Variants in SDK2 observed in about 807,000 individuals in gnomAD.
SDK2 encodes the protein sidekick cell adhesion molecule 2, also known as protein sidekick-2.
SDK2 carries 105 observed loss-of-function variants against 253.9 expected under a neutral mutation model. The observed-to-expected ratio is 0.41, with a 90% CI of 0.35 to 0.49. The LOEUF is 0.49. Among genes scored for constraint, SDK2 ranks in the 20% least tolerant of loss-of-function variants. SDK2 has a pLI of 0.06. For missense variants in SDK2, 2,608 were observed against 3,003.0 expected, an observed-to-expected ratio of 0.87 and a Z score of 3.07; for synonymous variants, 1,249 against 1,234.9, an observed-to-expected ratio of 1.01 and a Z score of -0.24.
At chr17:73,622,358 C>G (rs1425651924) in intron 1 of SDK2, among the ~76,000 whole-genome samples, 12 of 152,236 alleles carry the variant, frequency 7.9e-5, no homozygotes, top group Non-Finnish European at 2.9e-5. Context: ...TCAGCTGATT[C>G]CCCAAGCCCG....
intron 12 of SDK2, among the ~76,000 whole-genome samples, chr17:73,424,724 C>T (rs2063265505): frequency 1.3e-5 from 2 of 152,200 alleles, no homozygotes; most frequent in African/African-American, 2.4e-5. Flanking sequence ...CAGGATGCCA[C>T]ACAATGAACC....
chr17:73,437,329 G>T (rs1473905682), intron 8 of SDK2, among the ~76,000 whole-genome samples: 2 of 152,162 alleles, frequency 1.3e-5, no homozygotes, highest in Non-Finnish European at 2.9e-5. Context: ...AGCGGAGGGA[G>T]CTGGCAGAGG....
At chr17:73,542,526 G>A (rs1043107642) in intron 1 of SDK2, among the ~76,000 whole-genome samples, 1 of 152,214 alleles carries the variant, frequency 6.6e-6, no homozygotes, top group East Asian at 1.9e-4. Context: ...ATGAGCAGCC[G>A]GGCCTGGTAA....
chr17:73,604,483 G>A lies in SDK2; in HGVS notation c.64+39542C>T, dbSNP rs548546306. ...ATGACACTTTACATCCCCAAAGGCC[G>A]GTGGGCAGCTGGCTTAAAGGAACAA... is the stretch of plus-strand genomic sequence containing the variant. On this transcript the variant is annotated intron_variant, in intron 1 of 44. Transcript: ENST00000392650. Among the ~76,000 whole-genome samples, 8 of 152,286 alleles carry A rather than the reference G, an allele frequency of 5.3e-5. No homozygotes were observed. The East Asian group carries it at 1.2e-3, about 22-fold the overall frequency.
intron 2 of SDK2, among the ~76,000 whole-genome samples, chr17:73,483,661 G>GTGTGTGTGTGTGTGTGTGTA (rs1388091890): frequency 8.5e-5 from 6 of 70,176 alleles, no homozygotes; most frequent in Admixed American, 2.1e-4. Flanking sequence ...GTGTGTGTGT[G>GTGTGTGTGTGTGTGTGTGTA]TATATATATA....
At chr17:73,342,717 G>T (rs976372641) in intron 44 of SDK2, among the ~76,000 whole-genome samples, 3 of 151,404 alleles carry the variant, frequency 2.0e-5, no homozygotes, top group South Asian at 4.1e-4. Context: ...CGAGTCTCTG[G>T]GGGGAGGAGC....
At chr17:73,353,978 C>T (rs8072130) in intron 40 of SDK2, among the ~76,000 whole-genome samples, 10,468 of 152,008 alleles carry the variant, frequency 0.069, 1,107 homozygotes, top group African/African-American at 0.22. Flanking sequence ...GAGGATTACA[C>T]GTGTGAGCCA....
rs183083087 is a variant in SDK2, at chr17:73,350,750, C to T, written c.5799G>A (p.Leu1933=). 1 of 1,613,506 alleles carries T rather than the reference C, an allele frequency of 6.2e-7. No individual in the cohort carries two copies. The highest frequency in any genetic ancestry group is 1.3e-5 in the African/African-American group (1 of 74,968). ...ANPFYEEWWF[L]VVIALVGLIF... is the part of the protein sequence containing the mutation. ...TGAGGCCGACCAGGGCAATGACCAC[C>T]AAGAACCACCACTCCTCATAGAAGG... Residue 1933 remains leucine, a synonymous_variant, in exon 42 of 45, where the codon TTG becomes TTA. Transcript: ENST00000392650.
Position 73,398,314 on chromosome 17 carries a change from C to T in SDK2, c.3203+6G>A, listed in dbSNP as rs776105621. ...TGCTGCCTTCTCCCCGGGCCAGTCT[C>T]ATTACCTGTAGCAGGTGAAGGGGTT... On this transcript the variant is annotated splice_donor_region_variant and intron_variant, in intron 23 of 44. Transcript: ENST00000392650. 1 of 1,613,654 alleles carries T rather than the reference C, an allele frequency of 6.2e-7. No homozygotes were observed. Among genetic ancestry groups the T allele is most frequent in the Non-Finnish European group, 8.5e-7 (1 of 1,179,622 alleles).
chr17:73,527,278 T>C lies in SDK2; in HGVS notation c.65-19681A>G, dbSNP rs2145796271. On this transcript the variant is annotated intron_variant, in intron 1 of 44. Transcript: ENST00000392650. ...GTCTTGGAGCTCATGGAGCTTAGCATCTACCAAGAAATGCAACGTGAAGCA... is the reference window on the plus strand; with the variant it reads ...GTCTTGGAGCTCATGGAGCTTAGCACCTACCAAGAAATGCAACGTGAAGCA... Among the ~76,000 whole-genome samples, 2 of 152,180 alleles carry C rather than the reference T, an allele frequency of 1.3e-5. 1 individual carries two copies. The highest frequency in any genetic ancestry group is 6.8e-3 in the Middle Eastern group (2 of 292).
chr17:73,523,453 G>C (rs953777613), intron 1 of SDK2, among the ~76,000 whole-genome samples: 7 of 151,888 alleles, frequency 4.6e-5, no homozygotes, highest in African/African-American at 1.7e-4. Flanking sequence ...ATCAAGTTAA[G>C]ATGAGGTCAT....
chr17:73,486,505 G>A (rs2063770164), intron 2 of SDK2, among the ~76,000 whole-genome samples: 1 of 151,844 alleles, frequency 6.6e-6, no homozygotes, highest in Non-Finnish European at 1.5e-5. Context: ...AGCTACTTGG[G>A]AGGCTGAGGA....
At chr17:73,611,146 C>T (rs1330213378) in intron 1 of SDK2, among the ~76,000 whole-genome samples, 1 of 152,218 alleles carries the variant, frequency 6.6e-6, no homozygotes, top group Non-Finnish European at 1.5e-5. Context: ...CAGGCTCACA[C>T]AGCTCTGAGG....
chr17:73,556,613 C>T (rs941662717), intron 1 of SDK2, among the ~76,000 whole-genome samples: 9 of 152,206 alleles, frequency 5.9e-5, no homozygotes, highest in Non-Finnish European at 1.3e-4. Context: ...AATTCTTATG[C>T]GGCTGTTGGC....
At chr17:73,514,557 T>A (rs1024819572) in intron 1 of SDK2, among the ~76,000 whole-genome samples, 1 of 152,074 alleles carries the variant, frequency 6.6e-6, no homozygotes, top group Non-Finnish European at 1.5e-5. Flanking sequence ...TGGGAATGGG[T>A]CGGTGGGTGG....
In SDK2 at chr17:73,386,220, GACA is replaced by G. The variant is rs2062870730; in HGVS notation, c.4498+222_4498+224del. 2.0e-5 allele frequency among the ~76,000 whole-genome samples: 3 copies of G among 152,212 alleles called. No homozygotes were observed. In the South Asian group the frequency reaches 6.2e-4, roughly 32 times the overall value. ...TGTCCCGCTCACTGGCAGCTTGTGG[GACA>G]GGAGGAATACGCCACAGGCCAGGCT... is the stretch of plus-strand genomic sequence containing the variant. On this transcript the variant is annotated intron_variant, in intron 31 of 44. Coordinates refer to ENST00000392650, the MANE Select transcript of SDK2 (RefSeq NM_001144952.2).
rs1457168436 is a variant in SDK2 at position 73,447,705 on chromosome 17, C to A, written c.523G>T (p.Ala175Ser). Reference protein sequence around the residue: ...ENTLVILSTVAPDAGRYYVQA... With the variant: ...ENTLVILSTVSPDAGRYYVQA... ...ACATAGTAGCGACCTGCGTCAGGGG[C>A]CACCGTTGACAGGATGACAAGGGTG... Residue 175 changes from alanine to serine, a missense_variant, in exon 5 of 45, where the codon GCC (alanine) becomes TCC (serine). Ala to Ser is a moderately conservative substitution (Grantham distance 99). Around this residue, in one of 2 missense-constraint regions of SDK2, gnomAD observed 1,505 missense variants for 1,859.1 expected, o/e 0.81. Coordinates refer to ENST00000392650, the MANE Select transcript of SDK2 (RefSeq NM_001144952.2). This position sits in a 1 kb window ranked among gnomAD's most constrained non-coding sequence, Gnocchi z 4.0. 4 of 1,551,734 alleles carry A rather than the reference C, an allele frequency of 2.6e-6. No individual in the cohort carries two copies. The Admixed American group carries it at 7.8e-5, about 30-fold the overall frequency.
chr17:73,542,674 G>A (rs1043547748), intron 1 of SDK2, among the ~76,000 whole-genome samples: 1 of 152,192 alleles, frequency 6.6e-6, no homozygotes, highest in African/African-American at 2.4e-5. Context: ...GGCCAGCCAC[G>A]GAGAGGCAGT....
intron 18 of SDK2, among the ~76,000 whole-genome samples, chr17:73,409,728 T>C (rs1225230068): frequency 6.6e-6 from 1 of 152,228 alleles, no homozygotes; most frequent in Non-Finnish European, 1.5e-5. Flanking sequence ...CCTTGTGATA[T>C]GCTGAAGGCT....
Sources: gnomAD v4.1 joint callset for allele counts (sites outside exome capture counted in the v4.1 genomes callset) on GRCh38, gnomAD v4.1.1 for gene constraint, gnomAD v4.1.1 regional missense constraint, Gnocchi (gnomAD v3.1) non-coding constraint, MANE v1.5 for transcripts, NCBI Gene and HGNC (gene_info 2026-07-23, HGNC 2026-07-21) for gene names.